The following LRBA variants were observed in gnomAD, a reference collection of about 807,000 sequenced individuals.
The protein encoded by LRBA is LPS responsive beige-like anchor protein.
In LRBA, 176 loss-of-function variants were observed where a neutral mutation model predicts 330.0. That is an observed-to-expected ratio of 0.53 (90% CI 0.47 to 0.60). The LOEUF is 0.60. Among genes scored for constraint, LRBA ranks in the 20% least tolerant of loss-of-function variants. The pLI, the probability that LRBA is intolerant of heterozygous loss-of-function variation, is 0.00. For synonymous variants in LRBA, 1,230 were observed against 1,193.0 expected, an observed-to-expected ratio of 1.03 and a Z score of -0.64; for missense variants, 3,259 against 3,444.8, an observed-to-expected ratio of 0.95 and a Z score of 1.35.
intron 37 of LRBA, among the ~76,000 whole-genome samples, chr4:150,639,799 A>G (rs1187374438): frequency 2.1e-4 from 1 of 4,676 alleles, no homozygotes; most frequent in Admixed American, 3.0e-3. Context: ...GTGTATATAT[A>G]TATATATGTG....
chr4:150,424,454 C>T (rs931842277), intron 46 of LRBA, among the ~76,000 whole-genome samples: 8 of 152,142 alleles, frequency 5.3e-5, no homozygotes, highest in Non-Finnish European at 1.0e-4. Context: ...ATATGTACAT[C>T]TAAGAAAGAT....
chr4:150,671,904 T>A (rs1445935709), intron 37 of LRBA, among the ~76,000 whole-genome samples: 1 of 152,290 alleles, frequency 6.6e-6, no homozygotes, highest in South Asian at 2.1e-4. Flanking sequence ...TTGCAAATTG[T>A]TGATTAGCAA....
At chr4:150,501,367 T>C (rs1192725935) in intron 40 of LRBA, among the ~76,000 whole-genome samples, 2 of 152,138 alleles carry the variant, frequency 1.3e-5, no homozygotes, top group African/African-American at 4.8e-5. Flanking sequence ...ATACCAGCAC[T>C]TTGGTAGGCC....
intron 14 of LRBA, 118 bp downstream of exon 14, chr4:150,899,931 G>A: frequency 1.6e-6 from 1 of 606,390 alleles, no homozygotes; most frequent in Non-Finnish European, 2.7e-6. Flanking sequence ...ATAAAATTTT[G>A]CCATAATGGA....
intron 40 of LRBA, among the ~76,000 whole-genome samples, chr4:150,520,229 T>C (rs530246007): frequency 1.3e-5 from 2 of 152,310 alleles, no homozygotes; most frequent in Non-Finnish European, 2.9e-5. Flanking sequence ...TTTGCAAATA[T>C]ATTTTTTAAA....
intron 2 of LRBA, among the ~76,000 whole-genome samples, chr4:150,977,907 C>T (rs781001188): frequency 6.6e-5 from 10 of 152,202 alleles, no homozygotes; most frequent in Non-Finnish European, 1.5e-4. Context: ...GTTTTTATTC[C>T]ACTCCTTGGC....
intron 14 of LRBA, among the ~76,000 whole-genome samples, chr4:150,899,508 A>G (rs1048173869): frequency 6.6e-6 from 1 of 152,172 alleles, no homozygotes; most frequent in Non-Finnish European, 1.5e-5. Context: ...AAGAGCCACT[A>G]TATGTCAAAA....
intron 30 of LRBA, among the ~76,000 whole-genome samples, chr4:150,824,489 C>A (rs1357434326): frequency 6.6e-6 from 1 of 152,142 alleles, no homozygotes; most frequent in African/African-American, 2.4e-5. Flanking sequence ...TTGTCTCATT[C>A]CAGATTTTAG....
At chr4:150,649,411 T>C (rs919688601) in intron 37 of LRBA, among the ~76,000 whole-genome samples, 3 of 152,200 alleles carry the variant, frequency 2.0e-5, no homozygotes, top group Admixed American at 6.5e-5. Flanking sequence ...TCTCTGTACA[T>C]GCTCTTCTAT....
chr4:150,344,137 T>C (rs896703227), intron 48 of LRBA, among the ~76,000 whole-genome samples: 6 of 152,202 alleles, frequency 3.9e-5, no homozygotes, highest in East Asian at 1.9e-4. Flanking sequence ...TATAGAAACA[T>C]AGTCCAATAT....
intron 40 of LRBA, among the ~76,000 whole-genome samples, chr4:150,513,760 G>A (rs180795576): frequency 2.6e-5 from 4 of 152,226 alleles, no homozygotes; most frequent in African/African-American, 4.8e-5. Flanking sequence ...GATTGGGGCC[G>A]CATCCTTATG....
intron 31 of LRBA, among the ~76,000 whole-genome samples, chr4:150,809,865 G>A (rs75768423): frequency 2.5e-5 from 1 of 39,942 alleles, no homozygotes; most frequent in African/African-American, 1.0e-4. Flanking sequence ...GATACGATAC[G>A]ATACGATACG....
chr4:150,714,207 A>T (rs1386729034), intron 36 of LRBA, among the ~76,000 whole-genome samples: 1 of 152,186 alleles, frequency 6.6e-6, no homozygotes, highest in African/African-American at 2.4e-5. Context: ...TGTGGATACT[A>T]GTTATGTACA....
intron 48 of LRBA, among the ~76,000 whole-genome samples, chr4:150,347,158 C>T (rs1210701839): frequency 2.0e-5 from 3 of 152,124 alleles, no homozygotes; most frequent in Non-Finnish European, 2.9e-5. Flanking sequence ...ATGAGGTATT[C>T]AGGGTAGTCA....
chr4:150,354,445 CAATT>C (rs1388784318), intron 47 of LRBA, among the ~76,000 whole-genome samples: 5 of 152,084 alleles, frequency 3.3e-5, no homozygotes, highest in East Asian at 1.9e-4. Flanking sequence ...CCTAACCAAT[CAATT>C]GTTAGTACTC....
intron 2 of LRBA, among the ~76,000 whole-genome samples, chr4:150,973,668 T>C (rs1401501457): frequency 6.6e-6 from 1 of 152,206 alleles, no homozygotes; most frequent in Non-Finnish European, 1.5e-5. Flanking sequence ...GTGTGGATTT[T>C]TGCCAGTTAG....
At chr4:150,522,910 G>A (rs1000026919) in intron 40 of LRBA, among the ~76,000 whole-genome samples, 2 of 152,214 alleles carry the variant, frequency 1.3e-5, no homozygotes, top group Non-Finnish European at 2.9e-5. Flanking sequence ...ATGCCTAGTA[G>A]AGCCATGGGG....
intron 35 of LRBA, among the ~76,000 whole-genome samples, chr4:150,736,693 G>A (rs1288112651): frequency 6.6e-6 from 1 of 152,104 alleles, no homozygotes; most frequent in African/African-American, 2.4e-5. Flanking sequence ...AAGAGATAAT[G>A]GCCAAGATTT....
intron 37 of LRBA, among the ~76,000 whole-genome samples, chr4:150,628,304 A>T (rs1777039830): frequency 6.6e-6 from 1 of 152,146 alleles, no homozygotes; most frequent in African/African-American, 2.4e-5. Context: ...ATCAATCAAG[A>T]TCCAATCGGG....
Sources: allele counts gnomAD v4.1 joint callset (sites outside exome capture counted in the v4.1 genomes callset), GRCh38; gene constraint gnomAD v4.1.1; transcripts MANE v1.5; gene names NCBI Gene and HGNC (gene_info 2026-07-23, HGNC 2026-07-21).